Variants in KLHL1 observed in about 807,000 individuals in gnomAD.
The protein encoded by KLHL1 is kelch-like protein 1.
Under a neutral mutation model 77.7 loss-of-function variants are expected in KLHL1, and 47 were observed. The observed-to-expected ratio is 0.60, with a 90% CI of 0.48 to 0.77. KLHL1 has a LOEUF of 0.77. Among genes scored for constraint, KLHL1 ranks in the 30% least tolerant of loss-of-function variants. KLHL1 has a pLI of 0.00. For synonymous variants in KLHL1, 360 were observed against 325.2 expected (o/e 1.11, Z -1.15); for missense variants, 925 against 910.8 (o/e 1.02, Z -0.20).
At chr13:69,939,133 T>C (rs1284550380) in intron 4 of KLHL1, among the ~76,000 whole-genome samples, 1 of 151,184 alleles carries the variant, frequency 6.6e-6, no homozygotes, top group Non-Finnish European at 1.5e-5. Flanking sequence ...GCACCCATGC[T>C]ATTAAATGCT....
chr13:69,975,619 C>G lies in KLHL1; in HGVS notation c.680+1G>C. 6.2e-7 allele frequency: 1 copy of G among 1,612,472 alleles called. No individual in the cohort carries two copies. Among genetic ancestry groups the G allele is most frequent in the Non-Finnish European group, 8.5e-7 (1 of 1,179,302 alleles). On this transcript the variant is annotated splice_donor_variant, in intron 2 of 10. Transcript: ENST00000377844. LOFTEE classifies it high-confidence loss of function. The stretch of plus-strand genomic sequence containing the variant: ...TTTCCAGTAGAGGCAGACTACTGTA[C>G]CTATGTGCAGGTATCTTTCGGTTCC...
At chr13:70,086,603 AAAGAAAGAAAGAAAGAAAG>A (rs1887547963) in intron 1 of KLHL1, among the ~76,000 whole-genome samples, 1 of 23,876 alleles carries the variant, frequency 4.2e-5, no homozygotes, top group African/African-American at 1.2e-4. Flanking sequence ...AGAAAGAAAG[AAAGAAAGAAAGAAAGAAAG>A]AAAGAAAGAA....
chr13:69,983,874 C>T (rs1445468080), intron 1 of KLHL1, among the ~76,000 whole-genome samples: 1 of 150,072 alleles, frequency 6.7e-6, no homozygotes, highest in Non-Finnish European at 1.5e-5. Flanking sequence ...ACTAGAGAAC[C>T]AATAAATAAA....
At position 70,099,118 on chromosome 13, in the gene KLHL1, TTCTC is replaced by T. The variant is rs533324634; in HGVS notation, c.497+8081_497+8084del. 1.2e-4 allele frequency among the ~76,000 whole-genome samples: 19 copies of T among 152,044 alleles called. 1 individual carries two copies. The highest frequency in any genetic ancestry group is 4.3e-4 in the African/African-American group (18 of 41,542). On this transcript the variant is annotated intron_variant, in intron 1 of 10. Coordinates refer to ENST00000377844, the MANE Select transcript of KLHL1 (RefSeq NM_020866.3). ...AAAATATGGAATTTTACTTACACTATTCTCTCTGATATAAACACATATGAGAAGT... is the reference window on the plus strand; with the variant it reads ...AAAATATGGAATTTTACTTACACTATTCTGATATAAACACATATGAGAAGT...
chr13:70,012,754 C>CA (rs532443795), intron 1 of KLHL1, among the ~76,000 whole-genome samples: 1 of 151,706 alleles, frequency 6.6e-6, no homozygotes, highest in African/African-American at 2.4e-5. Flanking sequence ...ACTAAAAATA[C>CA]AAAAAAATTA....
chr13:69,829,651 G>A (rs1341962699), intron 6 of KLHL1, among the ~76,000 whole-genome samples: 6 of 149,768 alleles, frequency 4.0e-5, no homozygotes, highest in East Asian at 1.9e-4. Flanking sequence ...TCAACAAGGC[G>A]CCAGAGAAAG....
chr13:69,873,767 A>T lies in KLHL1; in HGVS notation c.1227+8516T>A, dbSNP rs190637528. 5.4e-3 allele frequency among the ~76,000 whole-genome samples: 820 copies of T among 152,296 alleles called. 11 individuals are homozygous for T. Among genetic ancestry groups the T allele is most frequent in the African/African-American group, 0.018 (751 of 41,568 alleles). ...CCCAGAACTTAAAGTATATATATTT[A>T]AAAAAGTAAATGAAGCTAAACTTGC... On this transcript the variant is annotated intron_variant, in intron 5 of 10. Transcript: ENST00000377844.
At chr13:69,919,618 G>T (rs963741090) in intron 4 of KLHL1, among the ~76,000 whole-genome samples, 2 of 151,944 alleles carry the variant, frequency 1.3e-5, no homozygotes, top group South Asian at 4.2e-4. Flanking sequence ...TTGTCCAGAG[G>T]TCTAATAGGA....
At chr13:69,963,286 C>T (rs988105247) in intron 2 of KLHL1, among the ~76,000 whole-genome samples, 1 of 151,970 alleles carries the variant, frequency 6.6e-6, no homozygotes. Context: ...TTAATTGTAC[C>T]AATTTATATT....
chr13:70,089,006 A>C (rs1205842713), intron 1 of KLHL1, among the ~76,000 whole-genome samples: 1 of 152,162 alleles, frequency 6.6e-6, no homozygotes, highest in East Asian at 1.9e-4. Context: ...GAAAATCAGA[A>C]AACCCAGCAG....
At chr13:69,779,970 A>G (rs529860501) in intron 7 of KLHL1, among the ~76,000 whole-genome samples, 24 of 151,536 alleles carry the variant, frequency 1.6e-4, no homozygotes, top group African/African-American at 5.6e-4. Context: ...CACCCAACTA[A>G]TTTTCGTATT....
In KLHL1 at chr13:70,005,382, C is replaced by T. The variant is rs147937802; in HGVS notation, c.498-29580G>A. On this transcript the variant is annotated intron_variant, in intron 1 of 10. Transcript: ENST00000377844. ...TCTATCAAGCTTGTCCAACCTGCAGCCTGCAAGCCACATGCAGCCCAAGAT... is the reference window on the plus strand; with the variant it reads ...TCTATCAAGCTTGTCCAACCTGCAGTCTGCAAGCCACATGCAGCCCAAGAT... Among the ~76,000 whole-genome samples the T allele has an allele frequency of 3.3e-3, 502 of 152,118 alleles. 3 individuals carry two copies. The highest frequency in any genetic ancestry group is 0.011 in the African/African-American group (476 of 41,544).
At chr13:70,013,675 A>G (rs2137341809) in intron 1 of KLHL1, among the ~76,000 whole-genome samples, 1 of 152,288 alleles carries the variant, frequency 6.6e-6, no homozygotes, top group Middle Eastern at 3.4e-3. Context: ...TCATATTTGC[A>G]TTTTAAATAC....
intron 8 of KLHL1, among the ~76,000 whole-genome samples, chr13:69,720,392 A>T (rs185479621): frequency 6.6e-6 from 1 of 152,096 alleles, no homozygotes; most frequent in Non-Finnish European, 1.5e-5. Flanking sequence ...TGCTCACTAC[A>T]TATTTTTGAA....
At chr13:69,894,653 G>T (rs576636624) in intron 4 of KLHL1, 1 of 162,322 alleles carries the variant, frequency 6.2e-6, no homozygotes, top group South Asian at 1.7e-4. Context: ...TCTCAACAAA[G>T]TGGCTGAGGT....
Position 70,107,455 on chromosome 13 carries a change from G to C in KLHL1, c.245C>G (p.Pro82Arg), listed in dbSNP as rs776644824. Residue 82 changes from proline to arginine, a missense_variant, in exon 1 of 11, where the codon CCG becomes CGG. Coordinates refer to ENST00000377844, the MANE Select transcript of KLHL1 (RefSeq NM_020866.3). ...ATTGAAGGAAGAGGAGGAAGAGGAC[G>C]GGGAGGACGATGAAGAGGAAGAGGA... is the stretch of plus-strand genomic sequence containing the variant. Reference protein sequence around the residue: ...PSSSSSSSSSPSSSSSSFNPL... With the variant: ...PSSSSSSSSSRSSSSSSFNPL... 10 of 1,613,962 alleles carry C rather than the reference G, an allele frequency of 6.2e-6. No homozygotes were observed. In the Admixed American group the frequency reaches 8.3e-5, roughly 13 times the overall value.
At chr13:69,996,309 T>C (rs1453757314) in intron 1 of KLHL1, among the ~76,000 whole-genome samples, 1 of 151,054 alleles carries the variant, frequency 6.6e-6, no homozygotes, top group African/African-American at 2.4e-5. Flanking sequence ...TTAAAAAAAA[T>C]AAAATAAAAA....
At chr13:69,704,907 ATATATCT>A (rs1266084847) in intron 10 of KLHL1, among the ~76,000 whole-genome samples, 1 of 151,706 alleles carries the variant, frequency 6.6e-6, no homozygotes, top group Non-Finnish European at 1.5e-5. Context: ...ATCATTATCA[ATATATCT>A]TATATATCTA....
At chr13:69,775,590 T>C (rs1875786963) in intron 7 of KLHL1, among the ~76,000 whole-genome samples, 1 of 152,148 alleles carries the variant, frequency 6.6e-6, no homozygotes, top group Admixed American at 6.6e-5. Context: ...GAAGGGTCAT[T>C]TGATTTCACT....
Sources: allele counts gnomAD v4.1 joint callset (sites outside exome capture counted in the v4.1 genomes callset), GRCh38; gene constraint gnomAD v4.1.1; transcripts MANE v1.5; gene names NCBI Gene and HGNC (gene_info 2026-07-23, HGNC 2026-07-21).